The following GGT1 variants were observed in gnomAD, a reference collection of about 807,000 sequenced individuals.
The protein encoded by GGT1 is glutathione hydrolase 1 proenzyme.
In GGT1, 21 loss-of-function variants were observed where a neutral mutation model predicts 56.0. That is an observed-to-expected ratio of 0.38 (90% CI 0.27 to 0.54). GGT1 has a LOEUF of 0.54. Ranked by LOEUF, GGT1 falls within the 20% of genes least tolerant of loss-of-function variation. The pLI, the probability that GGT1 is intolerant of heterozygous loss-of-function variation, is 0.82. For synonymous variants in GGT1, 238 were observed against 342.6 expected (o/e 0.69, Z 3.37); for missense variants, 466 against 787.0 (o/e 0.59, Z 4.88).
chr22:24,596,660 G>T (rs1485079224), intron 1 of GGT1, among the ~76,000 whole-genome samples: 1 of 151,438 alleles, frequency 6.6e-6, no homozygotes, highest in African/African-American at 2.4e-5. Context: ...AGCACTTTTG[G>T]AGGCTGCGGT....
chr22:24,628,493 C>T lies in GGT1; in HGVS notation c.1563+105C>T. The T allele has an allele frequency of 6.9e-7, 1 of 1,439,864 alleles. No homozygotes were observed. Among genetic ancestry groups the T allele is most frequent in the South Asian group, 1.2e-5 (1 of 84,594 alleles). 89.2% of individuals were successfully genotyped at this position (1,439,864 alleles called of 1,614,324 possible). On this transcript the variant is annotated intron_variant, in intron 15 of 15. Coordinates refer to ENST00000400382, the MANE Select transcript of GGT1 (RefSeq NM_001288833.2). The surrounding 1 kb of genome is among the most constrained non-coding windows in gnomAD (Gnocchi z 5.7). ...GTGGACAATGGTTGGTGTCCTCTCT[C>T]TAGTGCCTGGGCCATCTGGAGCCCC...
the GGT1 span, among the ~76,000 whole-genome samples, chr22:24,587,422 C>A: frequency 6.6e-6 from 1 of 152,198 alleles, no homozygotes; most frequent in East Asian, 1.9e-4. Context: ...GGGGGACTGA[C>A]AGCAGTGAGC....
chr22:24,622,771 G>A (rs181519588), intron 9 of GGT1, among the ~76,000 whole-genome samples: 1 of 152,122 alleles, frequency 6.6e-6, no homozygotes, highest in South Asian at 2.1e-4. Context: ...AAAACACTCT[G>A]TGGCCACAGA....
the GGT1 span, chr22:24,586,050 C>T: frequency 1.2e-4 from 196 of 1,611,676 alleles, no homozygotes; most frequent in African/African-American, 1.2e-3. Flanking sequence ...CGGCGCAGGC[C>T]GACCAGCAGG....
chr22:24,600,486 G>C (rs1358579958), upstream of GGT1, among the ~76,000 whole-genome samples: 3 of 152,220 alleles, frequency 2.0e-5, no homozygotes, highest in Admixed American at 2.0e-4. Context: ...GTGCTCCCAG[G>C]CATTCACAAG....
rs764800045 is a variant in GGT1, at chr22:24,620,337, C to T, written c.392C>T (p.Ser131Leu). 2.4e-5 allele frequency: 38 copies of T among 1,611,586 alleles called. 1 individual carries two copies. Among genetic ancestry groups the T allele is most frequent in the Middle Eastern group, 2.2e-4 (1 of 4,450 alleles). ...SSEQSQKGGL[S>L]VAVPGEIRGY... ...GGCTCTCTCTCCCCAGGGGGGCTGT[C>T]GGTGGCGGTGCCTGGGGAGATCCGA... The change falls in exon 8 of 16, where the codon TCG (serine) becomes TTG (leucine). Residue 131 changes from serine (S) to leucine (L), a missense_variant. Ser to Leu is a moderately radical substitution (Grantham distance 145, BLOSUM62 -2). Transcript: ENST00000400382. The surrounding 1 kb of genome is among the most constrained non-coding windows in gnomAD (Gnocchi z 5.6).
At chr22:24,606,109 TATATC>T (rs1464017440) in intron 1 of GGT1, among the ~76,000 whole-genome samples, 8 of 109,378 alleles carry the variant, frequency 7.3e-5, no homozygotes, top group African/African-American at 2.6e-4. Context: ...ATTTATATAA[TATATC>T]ATATAAATAT....
At chr22:24,601,671 T>C (rs543928028), upstream of GGT1, among the ~76,000 whole-genome samples, 1 of 152,366 alleles carries the variant, frequency 6.6e-6, no homozygotes, top group East Asian at 1.9e-4. Context: ...GGACTGGCCC[T>C]TTGAGCCTCC....
chr22:24,593,109 C>T, upstream of GGT1: 1 of 1,031,806 alleles, frequency 9.7e-7, no homozygotes, highest in South Asian at 4.6e-5. Flanking sequence ...GGGGCCGCCC[C>T]TAGTCGCCCC....
chr22:24,584,287 C>T, the GGT1 span, among the ~76,000 whole-genome samples: 1 of 152,150 alleles, frequency 6.6e-6, no homozygotes, highest in Non-Finnish European at 1.5e-5. Flanking sequence ...GAGCAGAGAT[C>T]CCAAAAAGGG....
chr22:24,611,120 G>A lies in GGT1; in HGVS notation c.39G>A (p.Val13=). The change falls in exon 5 of 16, where the codon GTG becomes GTA. Residue 13 remains valine, a synonymous_variant. Transcript: ENST00000400382. ...KKLVVLGLLA[V]VLVLVIVGLC... ...TAGTGGTGCTGGGCCTGCTGGCCGT[G>A]GTCCTGGTGCTGGTCATTGTCGGCC... is the stretch of plus-strand genomic sequence containing the variant. The A allele has an allele frequency of 6.2e-7, 1 of 1,602,588 alleles. No individual in the cohort carries two copies. The highest frequency in any genetic ancestry group is 8.5e-7 in the Non-Finnish European group (1 of 1,174,612).
chr22:24,611,535 CTATCTATCATCTATCTATCTATCT>C lies in GGT1; in HGVS notation c.164+291_164+314del, dbSNP rs1373960244. Among the ~76,000 whole-genome samples the C allele has an allele frequency of 1.3e-3, 176 of 131,484 alleles. 1 individual carries two copies. Among genetic ancestry groups the C allele is most frequent in the African/African-American group, 5.7e-3 (167 of 29,482 alleles). 86.3% of individuals were successfully genotyped at this position (131,484 alleles called of 152,430 possible). On this transcript the variant is annotated intron_variant, in intron 5 of 15. Transcript: ENST00000400382. ...TCTTCCTATCTATCTATCTATCTAT[CTATCTATCATCTATCTATCTATCT>C]ATCTATCTATCTATCTATCTATCTA...
intron 5 of GGT1, among the ~76,000 whole-genome samples, chr22:24,611,516 TATCTATCTATCTATCTATCTATCTATC>T (rs1275064022): frequency 2.3e-5 from 3 of 128,672 alleles, no homozygotes; most frequent in Non-Finnish European, 4.7e-5. Context: ...TATTTCTTCC[TATCTATCTATCTATCTATCTATCTATC>T]ATCTATCTAT....
chr22:24,590,223 C>T (rs775668345), upstream of GGT1, among the ~76,000 whole-genome samples: 6 of 152,306 alleles, frequency 3.9e-5, no homozygotes, highest in Middle Eastern at 3.4e-3. Flanking sequence ...ACATCTGCCT[C>T]CTCAAGGAAT....
chr22:24,619,456 G>A (rs2047274522), intron 7 of GGT1, among the ~76,000 whole-genome samples: 1 of 151,486 alleles, frequency 6.6e-6, no homozygotes, highest in Admixed American at 6.6e-5. Flanking sequence ...GTAGTCTTAG[G>A]TACTTCAGAG....
intron 1 of GGT1, among the ~76,000 whole-genome samples, chr22:24,605,182 A>G (rs1479331122): frequency 1.4e-5 from 1 of 73,822 alleles, no homozygotes; most frequent in African/African-American, 7.5e-5. Context: ...AATATGTAAT[A>G]TATTATATAA....
intron 1 of GGT1, among the ~76,000 whole-genome samples, chr22:24,603,741 G>T (rs2045848904): frequency 6.6e-6 from 1 of 151,584 alleles, no homozygotes; most frequent in Non-Finnish European, 1.5e-5. Flanking sequence ...GGCCCTGGAG[G>T]ATCTGGCAGC....
At chr22:24,618,103 T>G (rs1461622373) in intron 7 of GGT1, among the ~76,000 whole-genome samples, 1 of 152,142 alleles carries the variant, frequency 6.6e-6, no homozygotes, top group Non-Finnish European at 1.5e-5. Context: ...ATTTTCTATA[T>G]TTATGGGTAC....
intron 7 of GGT1, among the ~76,000 whole-genome samples, chr22:24,617,950 A>G (rs953333267): frequency 2.0e-5 from 3 of 151,962 alleles, no homozygotes; most frequent in African/African-American, 7.3e-5. Flanking sequence ...CTCTCAGGGA[A>G]AGTGATGAGC....
Sources: allele counts gnomAD v4.1 joint callset (sites outside exome capture counted in the v4.1 genomes callset), GRCh38; gene constraint gnomAD v4.1.1; non-coding constraint Gnocchi (gnomAD v3.1); transcripts MANE v1.5; gene names NCBI Gene and HGNC (gene_info 2026-07-23, HGNC 2026-07-21).